The following CCDC88B variants were observed in gnomAD, a reference collection of about 807,000 sequenced individuals.
The protein encoded by CCDC88B is coiled-coil domain-containing protein 88B.
In CCDC88B, 138 loss-of-function variants were observed where a neutral mutation model predicts 183.7. That is an observed-to-expected ratio of 0.75 (90% CI 0.65 to 0.87). The LOEUF is 0.87. Ranked by LOEUF, CCDC88B falls within the 40% of genes least tolerant of loss-of-function variation. The pLI is 0.00. For synonymous variants in CCDC88B, 835 were observed against 867.5 expected (o/e 0.96, Z 0.66); for missense variants, 1,822 against 1,965.6 (o/e 0.93, Z 1.38).
At chr11:64,350,894 G>C (rs1363321293) in intron 16 of CCDC88B, among the ~76,000 whole-genome samples, 1 of 152,104 alleles carries the variant, frequency 6.6e-6, no homozygotes, top group Non-Finnish European at 1.5e-5. Flanking sequence ...AAACCAAATA[G>C]TCTTAGAGGA....
chr11:64,343,131 A>G, intron 10 of CCDC88B, 48 bp from the exon 11 acceptor site: 1 of 1,479,700 alleles, frequency 6.8e-7, no homozygotes, highest in Non-Finnish European at 9.0e-7. Context: ...CAGGCGCTGG[A>G]GTGCATGGGG....
chr11:64,349,078 C>A, intron 14 of CCDC88B: 2 of 715,952 alleles, frequency 2.8e-6, no homozygotes, highest in South Asian at 3.0e-5. Context: ...CAACATGTGT[C>A]ACCTACCGAC....
chr11:64,351,387 G>T, intron 17 of CCDC88B, 89 bp from the exon 18 acceptor site: 1 of 1,532,634 alleles, frequency 6.5e-7, no homozygotes, highest in Non-Finnish European at 8.8e-7. Context: ...GGGGGTGGGG[G>T]TGCCCCATGC....
rs2035864699 is a variant in CCDC88B at position 64,341,754 on chromosome 11, A to G, written c.675+12A>G. The G allele has an allele frequency of 1.3e-6, 2 of 1,551,716 alleles. No individual in the cohort carries two copies. Among genetic ancestry groups the G allele is most frequent in the Non-Finnish European group, 1.7e-6 (2 of 1,153,444 alleles). On this transcript the variant is annotated intron_variant, in intron 7 of 26. Coordinates refer to ENST00000356786, the MANE Select transcript of CCDC88B (RefSeq NM_032251.6). ...ACCTGGGGGCCCAGGTAGGGGCAGC[A>G]GGGGCATCGTGGACTCAGGTTGGGG... is the stretch of plus-strand genomic sequence containing the variant.
rs760615945 is a variant in CCDC88B at position 64,344,451 on chromosome 11, A to C, written c.1910A>C (p.Glu637Ala). The C allele has an allele frequency of 1.8e-5, 29 of 1,591,650 alleles. No individual in the cohort carries two copies. Among genetic ancestry groups the C allele is most frequent in the Non-Finnish European group, 2.2e-5 (26 of 1,169,618 alleles). The change falls in exon 14 of 27, where the codon GAG becomes GCG. Residue 637 changes from glutamate to alanine, a missense_variant. Glu to Ala is a moderately radical substitution (Grantham distance 107, BLOSUM62 -1). Coordinates refer to ENST00000356786, the MANE Select transcript of CCDC88B (RefSeq NM_032251.6). This position sits in a 1 kb window ranked among gnomAD's most constrained non-coding sequence, Gnocchi z 4.5. ...REAPQGELVP[E>A]AWGLRQEGPE... is the part of the protein sequence containing the mutation. ...GCTCCCCAAGGCGAGTTGGTGCCTG[A>C]GGCCTGGGGGTTGAGACAGGAGGGC...
At position 64,341,463 on chromosome 11, in the gene CCDC88B, A is replaced by C. The variant is rs1371798784; in HGVS notation, c.490A>C (p.Ser164Arg). The C allele has an allele frequency of 1.2e-6, 2 of 1,613,818 alleles. No homozygotes were observed. The highest frequency in any genetic ancestry group is 1.7e-6 in the Non-Finnish European group (2 of 1,180,012). Reference protein sequence around the residue: ...ELFIRHIQGLSLEVQSELAAA... With the variant: ...ELFIRHIQGLRLEVQSELAAA... ...CTTCATCCGCCACATCCAGGGCCTC[A>C]GTCTCGAGGTCCAGAGCGAGCTGGC... Residue 164 changes from serine (S) to arginine (R), a missense_variant, in exon 6 of 27, where the codon AGT becomes CGT. Physicochemically the swap from Ser to Arg is moderately radical, Grantham distance 110. Coordinates refer to ENST00000356786, the MANE Select transcript of CCDC88B (RefSeq NM_032251.6).
In CCDC88B at chr11:64,352,340, G is replaced by T; in HGVS notation, c.3310G>T (p.Ala1104Ser). ...GLLVRHRDLK[A>S]NMRALELAHR... ...GCTGGTGCGGCACCGAGACCTCAAGGCCAACATGCGGGCACTGGAGCTGGC... is the reference window on the plus strand; with the variant it reads ...GCTGGTGCGGCACCGAGACCTCAAGTCCAACATGCGGGCACTGGAGCTGGC... The change falls in exon 19 of 27, where the codon GCC becomes TCC. Residue 1104 changes from alanine (A) to serine (S), a missense_variant. Coordinates refer to ENST00000356786, the MANE Select transcript of CCDC88B (RefSeq NM_032251.6). 1 of 1,546,484 alleles carries T rather than the reference G, an allele frequency of 6.5e-7. No individual in the cohort carries two copies. Among genetic ancestry groups the T allele is most frequent in the Non-Finnish European group, 8.7e-7 (1 of 1,146,988 alleles).
At chr11:64,342,784 G>C in intron 10 of CCDC88B, 104 bp downstream of exon 10, 1 of 1,326,330 alleles carries the variant, frequency 7.5e-7, no homozygotes, top group Non-Finnish European at 1.0e-6. Context: ...TCTCTGGAGG[G>C]GACAGTCACA....
rs1231266762 is a variant in CCDC88B, at chr11:64,341,277, G to A, written c.396G>A (p.Ala132=). Residue 132 remains alanine, a synonymous_variant, in exon 5 of 27, where the codon GCG becomes GCA. Coordinates refer to ENST00000356786, the MANE Select transcript of CCDC88B (RefSeq NM_032251.6). Reference sequence around the variant, plus strand: ...GTGGCATGTGCCTTGCAGAAGAAGCGGTGGAGCAGCTGGAAGGCGTTCTTC... The same window carrying A: ...GTGGCATGTGCCTTGCAGAAGAAGCAGTGGAGCAGCTGGAAGGCGTTCTTC... The part of the protein sequence containing the change: ...TLGFDPLSEE[A]VEQLEGVLRL... The A allele has an allele frequency of 6.2e-7, 1 of 1,614,078 alleles. No individual in the cohort carries two copies. The highest frequency in any genetic ancestry group is 1.1e-5 in the South Asian group (1 of 91,070).
rs576002731 is a variant in CCDC88B at position 64,353,950 on chromosome 11, T to A, written c.3933-54T>A. ...GCCTTTGACATCCCCAGGACACCCTTTGCTCCCTCCCTCCTCCCTGTCCTG... is the reference window on the plus strand; with the variant it reads ...GCCTTTGACATCCCCAGGACACCCTATGCTCCCTCCCTCCTCCCTGTCCTG... On this transcript the variant is annotated intron_variant, in intron 23 of 26. Coordinates refer to ENST00000356786, the MANE Select transcript of CCDC88B (RefSeq NM_032251.6). The A allele has an allele frequency of 7.1e-6, 11 of 1,550,886 alleles. No homozygotes were observed. In the South Asian group the frequency reaches 1.3e-4, roughly 19 times the overall value.
Position 64,355,613 on chromosome 11 carries a change from G to C in CCDC88B, c.4360G>C (p.Asp1454His), listed in dbSNP as rs1565061574. 1.2e-6 allele frequency: 2 copies of C among 1,611,766 alleles called. No individual in the cohort carries two copies. The change falls in exon 26 of 27, where the codon GAT (aspartate) becomes CAT (histidine). Residue 1454 changes from aspartate (D) to histidine (H), a missense_variant. By Grantham distance (81) the Asp-to-His change is moderately conservative. Transcript: ENST00000356786. ...SAETLQEHET[D>H]ANREGPEVQE... ...TGAGACCCTGCAGGAACACGAAACA[G>C]ATGCCAACCGAGAGGGTGAGTGGGG...
intron 20 of CCDC88B, 76 bp downstream of exon 20, chr11:64,352,963 T>C (rs489419): frequency 1 from 1,504,354 of 1,504,358 alleles, 752,175 homozygotes; most frequent in Middle Eastern, 1. Flanking sequence ...TGGGGTCCTG[T>C]CTGGCCTCCC....
chr11:64,356,724 G>A, intron 26 of CCDC88B: 1 of 431,094 alleles, frequency 2.3e-6, no homozygotes, highest in Non-Finnish European at 4.1e-6. Flanking sequence ...AGAAAGGAGA[G>A]CAGGGGAGGG....
chr11:64,349,303 G>C (rs201137636), intron 14 of CCDC88B, 28 bp from the exon 15 acceptor site: 70 of 1,562,430 alleles, frequency 4.5e-5, no homozygotes, highest in Non-Finnish European at 5.7e-5. Flanking sequence ...CTGCCCCCTT[G>C]CCCTGAGCCT....
chr11:64,349,006 C>T (rs745436787), intron 14 of CCDC88B: 15 of 717,376 alleles, frequency 2.1e-5, no homozygotes, highest in South Asian at 7.4e-5. Flanking sequence ...GCCCACCGGG[C>T]GCATCCACCT....
At chr11:64,341,381 GGGA>G (rs1374753344) in intron 5 of CCDC88B, 37 bp from the exon 6 acceptor site, 4 of 1,613,808 alleles carry the variant, frequency 2.5e-6, no homozygotes, top group Non-Finnish European at 3.4e-6. Context: ...CGGTAGAGGA[GGGA>G]GATCCTGCAC....
intron 1 of CCDC88B, 21 bp from the exon 2 acceptor site, chr11:64,340,586 A>T (rs1247407670): frequency 1.3e-6 from 2 of 1,599,794 alleles, no homozygotes; most frequent in East Asian, 4.5e-5. Context: ...TGGTCGGCTG[A>T]CCCCTCTGGG....
At chr11:64,342,448 A>C (rs1203115588) in intron 9 of CCDC88B, 73 bp downstream of exon 9, 1 of 1,543,626 alleles carries the variant, frequency 6.5e-7, no homozygotes, top group Admixed American at 2.0e-5. Flanking sequence ...CCTCCCTCCC[A>C]ACCCGGCTCC....
rs560516866 is a variant in CCDC88B, at chr11:64,340,970, A to T, written c.270A>T (p.Arg90=). 14 of 1,603,548 alleles carry T rather than the reference A, an allele frequency of 8.7e-6. No individual in the cohort carries two copies. Among genetic ancestry groups the T allele is most frequent in the East Asian group, 2.2e-5 (1 of 44,734 alleles). The change falls in exon 3 of 27, where the codon CGA becomes CGT. Residue 90 remains arginine, a synonymous_variant. Transcript: ENST00000356786. ...LRGLDGPAAW[R]VWNLNHLWGR... ...GCCTTGACGGACCTGCTGCCTGGCG[A>T]GTGTGGAACCTGAACCACCTGTGGG... is the stretch of plus-strand genomic sequence containing the variant.
Sources: allele counts gnomAD v4.1 joint callset (sites outside exome capture counted in the v4.1 genomes callset), GRCh38; gene constraint gnomAD v4.1.1; non-coding constraint Gnocchi (gnomAD v3.1); transcripts MANE v1.5; gene names NCBI Gene and HGNC (gene_info 2026-07-23, HGNC 2026-07-21).